Variants in LTBP1 observed in about 807,000 individuals in gnomAD.
LTBP1 encodes latent transforming growth factor beta binding protein 1, also known as latent-transforming growth factor beta-binding protein 1.
In LTBP1, 129 loss-of-function variants were observed where a neutral mutation model predicts 207.6. The ratio of observed to expected loss-of-function variants is 0.62; its 90% CI spans 0.54 to 0.72. The LOEUF is 0.72. Among genes scored for constraint, LTBP1 ranks in the 30% least tolerant of loss-of-function variants. LTBP1 has a pLI of 0.00. For synonymous variants in LTBP1, 963 were observed against 833.7 expected, an observed-to-expected ratio of 1.16 and a Z score of -2.67; for missense variants, 2,281 against 2,217.2, an observed-to-expected ratio of 1.03 and a Z score of -0.58.
rs187721184 is a variant in LTBP1 at position 33,000,343 on chromosome 2, G to A, written c.566-20566G>A. 3.7e-5 allele frequency among the ~76,000 whole-genome samples: 5 copies of A among 134,764 alleles called. 1 individual carries two copies. The highest frequency in any genetic ancestry group is 1.3e-4 in the African/African-American group (5 of 38,760). 88.4% of individuals were successfully genotyped at this position (134,764 alleles called of 152,430 possible). On this transcript the variant is annotated intron_variant, in intron 2 of 33. Transcript: ENST00000404816. ...CACCTGAATGTGTATACCGAGCTACGGAATCCAGGATTCATTCCTTGTCTG... is the reference window on the plus strand; with the variant it reads ...CACCTGAATGTGTATACCGAGCTACAGAATCCAGGATTCATTCCTTGTCTG...
intron 5 of LTBP1, among the ~76,000 whole-genome samples, chr2:33,138,375 A>G (rs1183715738): frequency 6.6e-6 from 1 of 152,090 alleles, no homozygotes; most frequent in Non-Finnish European, 1.5e-5. Flanking sequence ...ATGGATAGTG[A>G]TTTTGATATG....
intron 5 of LTBP1, among the ~76,000 whole-genome samples, chr2:33,139,099 C>T (rs2082420696): frequency 1.3e-5 from 2 of 151,876 alleles, no homozygotes; most frequent in Admixed American, 6.6e-5. Flanking sequence ...ACCTCGTGAT[C>T]CGCCCGCCTC....
intron 2 of LTBP1, among the ~76,000 whole-genome samples, chr2:32,961,989 T>A (rs950407531): frequency 6.6e-6 from 1 of 151,688 alleles, no homozygotes; most frequent in Non-Finnish European, 1.5e-5. Flanking sequence ...AGAAGGGCCA[T>A]ATAAACATAA....
At chr2:33,083,268 A>C (rs191727775) in intron 3 of LTBP1, among the ~76,000 whole-genome samples, 12 of 152,116 alleles carry the variant, frequency 7.9e-5, no homozygotes, top group South Asian at 6.2e-4. Flanking sequence ...TCTCAAGATC[A>C]ATGAACATAA....
intron 22 of LTBP1, among the ~76,000 whole-genome samples, chr2:33,304,778 C>A (rs185909135): frequency 6.6e-6 from 1 of 152,214 alleles, no homozygotes; most frequent in South Asian, 2.1e-4. Flanking sequence ...CAATGTCTTT[C>A]CCTTTCCCTC....
At chr2:33,172,636 G>C (rs946966561) in intron 5 of LTBP1, among the ~76,000 whole-genome samples, 1 of 152,140 alleles carries the variant, frequency 6.6e-6, no homozygotes, top group African/African-American at 2.4e-5. Flanking sequence ...ATTGAACTCA[G>C]CTCTGCACCA....
Position 33,227,619 on chromosome 2 carries a change from G to A in LTBP1, c.1876+5468G>A, listed in dbSNP as rs148221716. Among the ~76,000 whole-genome samples, 1,445 of 151,950 alleles carry A rather than the reference G, an allele frequency of 9.5e-3. 23 individuals carry two copies. The highest frequency in any genetic ancestry group is 0.037 in the Middle Eastern group (11 of 294). On this transcript the variant is annotated intron_variant, in intron 9 of 33. Coordinates refer to ENST00000404816, the MANE Select transcript of LTBP1 (RefSeq NM_206943.4). ...GTAGGATTTCCTCTTACTCTGTGTT[G>A]GAATTATTTATTCACATTATATGTT...
chr2:33,264,506 C>T (rs1307764381), intron 15 of LTBP1, among the ~76,000 whole-genome samples: 1 of 151,750 alleles, frequency 6.6e-6, no homozygotes, highest in Non-Finnish European at 1.5e-5. Flanking sequence ...TCTAAATGTC[C>T]ATATCCTTAA....
chr2:32,961,749 C>T (rs1479030675), intron 2 of LTBP1, among the ~76,000 whole-genome samples: 4 of 151,980 alleles, frequency 2.6e-5, no homozygotes, highest in African/African-American at 9.7e-5. Context: ...AGTTCGAGAC[C>T]AGACTGGCCA....
At chr2:33,179,491 G>A (rs887822172) in intron 5 of LTBP1, among the ~76,000 whole-genome samples, 39 of 151,896 alleles carry the variant, frequency 2.6e-4, no homozygotes, top group Admixed American at 2.3e-3. Flanking sequence ...CTGATGGGGA[G>A]TGTTGGGTGC....
chr2:33,388,671 C>T (rs944450044), intron 31 of LTBP1, among the ~76,000 whole-genome samples: 1 of 152,212 alleles, frequency 6.6e-6, no homozygotes, highest in African/African-American at 2.4e-5. Flanking sequence ...TCCATAGAGA[C>T]TGTAGAGTTA....
chr2:33,186,620 G>A (rs1304492015), intron 5 of LTBP1, among the ~76,000 whole-genome samples: 1 of 143,616 alleles, frequency 7.0e-6, no homozygotes, highest in Non-Finnish European at 1.5e-5. Flanking sequence ...CATTGTTGGA[G>A]GGAGAATAAT....
chr2:32,967,290 T>C (rs1680155720), intron 2 of LTBP1, among the ~76,000 whole-genome samples: 1 of 152,130 alleles, frequency 6.6e-6, no homozygotes, highest in Admixed American at 6.5e-5. Context: ...TTATTTCTTT[T>C]GTTTACTTTC....
At chr2:33,118,196 A>C (rs1440760240) in intron 4 of LTBP1, among the ~76,000 whole-genome samples, 7 of 150,638 alleles carry the variant, frequency 4.6e-5, no homozygotes, top group Admixed American at 3.3e-4. Context: ...TGTGCAAAAA[A>C]AAAAAAACAA....
At chr2:32,996,356 G>A (rs1222835905) in intron 2 of LTBP1, among the ~76,000 whole-genome samples, 8 of 151,944 alleles carry the variant, frequency 5.3e-5, no homozygotes, top group Non-Finnish European at 1.2e-4. Flanking sequence ...CATTCATAAG[G>A]GCTTCATCCT....
intron 5 of LTBP1, among the ~76,000 whole-genome samples, chr2:33,185,381 T>C (rs1325268264): frequency 6.6e-6 from 1 of 152,200 alleles, no homozygotes; most frequent in Non-Finnish European, 1.5e-5. Flanking sequence ...AGTTCAATTT[T>C]GAATTTGAGG....
chr2:33,126,574 A>C (rs2081446387), intron 4 of LTBP1, among the ~76,000 whole-genome samples: 1 of 152,274 alleles, frequency 6.6e-6, no homozygotes, highest in Non-Finnish European at 1.5e-5. Context: ...ATTAGCTGAC[A>C]GCTGGAAAAC....
At position 33,064,869 on chromosome 2, in the gene LTBP1, T is replaced by C. The variant is rs1190045877; in HGVS notation, c.863+43663T>C. ...ATGTCATGTCAAATACAGTTAGTATTGTGTCTTTCCAGTATTTATGCTTCT... is the reference window on the plus strand; with the variant it reads ...ATGTCATGTCAAATACAGTTAGTATCGTGTCTTTCCAGTATTTATGCTTCT... On this transcript the variant is annotated intron_variant, in intron 3 of 33. Coordinates refer to ENST00000404816, the MANE Select transcript of LTBP1 (RefSeq NM_206943.4). 2.0e-5 allele frequency among the ~76,000 whole-genome samples: 3 copies of C among 152,166 alleles called. No individual in the cohort carries two copies. The South Asian group carries it at 6.2e-4, about 32-fold the overall frequency.
At chr2:33,217,690 G>A (rs1402905654) in intron 8 of LTBP1, 36 bp downstream of exon 8, 9 of 1,452,078 alleles carry the variant, frequency 6.2e-6, no homozygotes, top group South Asian at 1.2e-5. Flanking sequence ...GCAGGTTAAT[G>A]TAGCATATCT....
Sources: allele counts gnomAD v4.1 joint callset (sites outside exome capture counted in the v4.1 genomes callset), GRCh38; gene constraint gnomAD v4.1.1; transcripts MANE v1.5; gene names NCBI Gene and HGNC (gene_info 2026-07-23, HGNC 2026-07-21).